The following FAT2 variants were observed in gnomAD, a reference collection of about 807,000 sequenced individuals.
FAT2 encodes the protein protocadherin Fat 2.
Under a neutral mutation model 295.3 loss-of-function variants are expected in FAT2, and 150 were observed. The observed-to-expected ratio is 0.51, with a 90% CI of 0.44 to 0.58. The LOEUF (loss-of-function observed/expected upper bound fraction) is 0.58, where lower values mean the gene tolerates loss of function less well. Ranked by LOEUF, FAT2 falls within the 20% of genes least tolerant of loss-of-function variation. The pLI is 0.00. For synonymous variants in FAT2, 2,026 were observed against 2,150.3 expected, an observed-to-expected ratio of 0.94 and a Z score of 1.60; for missense variants, 4,868 against 5,442.7, an observed-to-expected ratio of 0.89 and a Z score of 3.32.
chr5:151,522,270 A>G (rs550932713), intron 18 of FAT2, 184 bp from the exon 19 acceptor site: 1 of 555,038 alleles, frequency 1.8e-6, no homozygotes, highest in South Asian at 2.8e-5. Context: ...GAAAAGAAAG[A>G]TTTTCTGAAG....
chr5:151,568,995 A>T, intron 1 of FAT2, 44 bp from the exon 2 acceptor site: 2 of 1,514,274 alleles, frequency 1.3e-6, no homozygotes, highest in Non-Finnish European at 1.8e-6. Context: ...GGGGGAAAAA[A>T]TGGTTTCTAC....
At chr5:151,530,548 C>T (rs1214077491) in intron 14 of FAT2, among the ~76,000 whole-genome samples, 10 of 152,198 alleles carry the variant, frequency 6.6e-5, no homozygotes, top group Admixed American at 2.0e-4. Context: ...GATTAAAGGA[C>T]ACTTAAAATC....
chr5:151,546,775 G>C (rs1039072197), intron 9 of FAT2, among the ~76,000 whole-genome samples: 8 of 151,762 alleles, frequency 5.3e-5, no homozygotes, highest in Non-Finnish European at 1.2e-4. Context: ...CTGGAATGTA[G>C]TGATGTGAGC....
chr5:151,532,935 G>A (rs897744255), intron 13 of FAT2, among the ~76,000 whole-genome samples: 2 of 152,218 alleles, frequency 1.3e-5, no homozygotes, highest in African/African-American at 4.8e-5. Context: ...CACATGCCAT[G>A]CAACTTCCCC....
In FAT2 at chr5:151,554,471, A is replaced by T. The variant is rs1308231879; in HGVS notation, c.3836T>A (p.Val1279Asp). The T allele has an allele frequency of 1.7e-5, 27 of 1,614,066 alleles. No individual in the cohort carries two copies. The highest frequency in any genetic ancestry group is 2.2e-5 in the Non-Finnish European group (26 of 1,179,998). The change falls in exon 5 of 24, where the codon GTC becomes GAC. Residue 1279 changes from valine (V) to aspartate (D), a missense_variant. Coordinates refer to ENST00000261800, the MANE Select transcript of FAT2 (RefSeq NM_001447.3). ...SDLDEGLNGR[V>D]TYSIEDSDEE... ...ATCGCTGTCCTCGATACTGTAGGTGACTCTGCCATTAAGACCCTCATCCAG... is the reference window on the plus strand; with the variant it reads ...ATCGCTGTCCTCGATACTGTAGGTGTCTCTGCCATTAAGACCCTCATCCAG...
intron 6 of FAT2, among the ~76,000 whole-genome samples, chr5:151,551,961 T>C (rs1389006524): frequency 1.3e-5 from 2 of 148,892 alleles, no homozygotes; most frequent in Non-Finnish European, 3.0e-5. Flanking sequence ...AACAATACTT[T>C]AATATAACCC....
intron 3 of FAT2, among the ~76,000 whole-genome samples, chr5:151,561,453 C>T (rs144574469): frequency 0.012 from 1,851 of 152,102 alleles, 17 homozygotes; most frequent in Non-Finnish European, 0.017. Context: ...ACCAGTGATG[C>T]GATCATGGGT....
chr5:151,524,607 G>T (rs956562437), intron 18 of FAT2, among the ~76,000 whole-genome samples: 4 of 152,202 alleles, frequency 2.6e-5, no homozygotes, highest in African/African-American at 9.6e-5. Flanking sequence ...AGCCCAAATG[G>T]ACTAAGTCAG....
At chr5:151,530,989 G>C (rs1014895134) in intron 14 of FAT2, among the ~76,000 whole-genome samples, 1 of 152,214 alleles carries the variant, frequency 6.6e-6, no homozygotes, top group African/African-American at 2.4e-5. Context: ...GAGCCATGGG[G>C]AGGAATCTGT....
rs116378153 is a variant in FAT2, at chr5:151,563,344, A to G, written c.3555T>C (p.Phe1185=). 7.8e-4 allele frequency: 1,258 copies of G among 1,614,108 alleles called. No individual in the cohort carries two copies. The highest frequency in any genetic ancestry group is 1.0e-3 in the Non-Finnish European group (1,184 of 1,179,960). The change falls in exon 3 of 24, where the codon TTT becomes TTC. Residue 1185 remains phenylalanine, a synonymous_variant. Transcript: ENST00000261800. ...CCTTACCTGTAACAGGGTGAATCAT[A>G]AAGAATCCCATGTAGTTCCCACTGG... ...NITSGNYMGF[F]MIHPVTGLLS...
chr5:151,565,670 T>G lies in FAT2; in HGVS notation c.3259+3A>C. 1 of 695,212 alleles carries G rather than the reference T, an allele frequency of 1.4e-6. No homozygotes were observed. Among genetic ancestry groups the G allele is most frequent in the Non-Finnish European group, 2.4e-6 (1 of 422,700 alleles). 43.1% of individuals were successfully genotyped at this position (695,212 alleles called of 1,614,324 possible). On this transcript the variant is annotated splice_donor_region_variant and intron_variant, in intron 2 of 23. Transcript: ENST00000261800. ...GCACCCCACCCTACCCCACCCCCAG[T>G]ACCTGTATCTTGGTTGATGCTGAAG... is the stretch of plus-strand genomic sequence containing the variant.
At chr5:151,569,088 T>TG (rs1291227304) in intron 1 of FAT2, 137 bp from the exon 2 acceptor site, 7 of 820,854 alleles carry the variant, frequency 8.5e-6, no homozygotes, top group Non-Finnish European at 1.3e-5. Context: ...TGACCCAGCT[T>TG]GGGAGTGGTG....
At position 151,505,373 on chromosome 5, in the gene FAT2, T is replaced by C; in HGVS notation, c.*192A>G. 2 of 665,558 alleles carry C rather than the reference T, an allele frequency of 3.0e-6. No homozygotes were observed. The highest frequency in any genetic ancestry group is 5.1e-6 in the Non-Finnish European group (2 of 395,094). The allele number at this position is 665,558 out of a possible 1,614,324, so 41.2% of individuals were successfully genotyped here. A position where few individuals can be genotyped will look rare whatever the true frequency, so the allele number is the denominator to read the frequency against. On this transcript the variant is annotated 3_prime_UTR_variant, in exon 24 of 24. Coordinates refer to ENST00000261800, the MANE Select transcript of FAT2 (RefSeq NM_001447.3). ...GACCCTAGTGCTGTTTCTGGAGCTC[T>C]ATCCTCAGCTTCCCTCCACCCTCAG...
intron 1 of FAT2, among the ~76,000 whole-genome samples, chr5:151,580,242 A>T (rs1561886419): frequency 1.3e-5 from 2 of 152,208 alleles, no homozygotes; most frequent in Non-Finnish European, 2.9e-5. Context: ...CTTCTGCATT[A>T]GTCAAGAGGA....
intron 1 of FAT2, among the ~76,000 whole-genome samples, chr5:151,584,835 C>G (rs1221280242): frequency 6.6e-6 from 1 of 152,174 alleles, no homozygotes; most frequent in Non-Finnish European, 1.5e-5. Flanking sequence ...AACCACTAGT[C>G]CAATGGCTAC....
chr5:151,583,795 C>G (rs1250803650), intron 1 of FAT2, among the ~76,000 whole-genome samples: 2 of 151,930 alleles, frequency 1.3e-5, no homozygotes, highest in African/African-American at 4.8e-5. Context: ...GTCAGGAGTT[C>G]AAGACCAGCC....
intron 12 of FAT2, among the ~76,000 whole-genome samples, chr5:151,535,562 C>T (rs924646862): frequency 1.1e-4 from 17 of 152,200 alleles, no homozygotes; most frequent in African/African-American, 4.1e-4. Flanking sequence ...CACCTCTCTT[C>T]ACCTGTATCC....
chr5:151,527,667 T>C (rs1754161517), intron 16 of FAT2, among the ~76,000 whole-genome samples: 2 of 152,182 alleles, frequency 1.3e-5, no homozygotes, highest in Admixed American at 6.5e-5. Context: ...TCAAATGGCA[T>C]AAATCCTTAT....
At position 151,517,676 on chromosome 5, in the gene FAT2, G is replaced by A; in HGVS notation, c.11407C>T (p.Leu3803Phe). Residue 3803 changes from leucine to phenylalanine, a missense_variant, in exon 20 of 24, where the codon CTC (leucine) becomes TTC (phenylalanine). Around this residue, in one of 5 missense-constraint regions of FAT2, gnomAD observed 1,046 missense variants for 1,210.1 expected, o/e 0.86. Coordinates refer to ENST00000261800, the MANE Select transcript of FAT2 (RefSeq NM_001447.3). ...AATAGAAGAATGGCCTGTGGCTGGA[G>A]TGTTTTCAGATAGAAATGGATGTGC... ...NWHIHFYLKT[L>F]QPQAILLFTN... 6.2e-7 allele frequency: 1 copy of A among 1,614,204 alleles called. No individual in the cohort carries two copies. The highest frequency in any genetic ancestry group is 1.7e-5 in the Admixed American group (1 of 60,030).
Sources: allele counts gnomAD v4.1 joint callset (sites outside exome capture counted in the v4.1 genomes callset), GRCh38; gene constraint gnomAD v4.1.1; regional missense constraint gnomAD v4.1.1; transcripts MANE v1.5; gene names NCBI Gene and HGNC (gene_info 2026-07-23, HGNC 2026-07-21).